Variants in FNBP1 observed in about 807,000 individuals in gnomAD.
The protein encoded by FNBP1 is formin-binding protein 1.
Under a neutral mutation model 90.6 loss-of-function variants are expected in FNBP1, and 26 were observed. That is an observed-to-expected ratio of 0.29 (90% CI 0.21 to 0.40). FNBP1 has a LOEUF of 0.40. Among genes scored for constraint, FNBP1 ranks in the 10% least tolerant of loss-of-function variants. The pLI is 1.00. For missense variants in FNBP1, 635 were observed against 768.0 expected (o/e 0.83, Z 2.05); for synonymous variants, 260 against 265.2 (o/e 0.98, Z 0.19).
intron 6 of FNBP1, among the ~76,000 whole-genome samples, chr9:129,934,720 C>T (rs1007188375): frequency 2.1e-4 from 32 of 151,950 alleles, no homozygotes; most frequent in Non-Finnish European, 4.0e-4. Flanking sequence ...TACAGGCACC[C>T]GCCACCACGC....
Position 129,889,245 on chromosome 9 carries a change from C to T in FNBP1, c.*1294G>A, listed in dbSNP as rs1588306507. The T allele has an allele frequency of 5.1e-6, 1 of 195,842 alleles. No homozygotes were observed. The highest frequency in any genetic ancestry group is 7.9e-5 in the East Asian group (1 of 12,652). The allele number at this position is 195,842 out of a possible 1,614,324, so 12.1% of individuals were successfully genotyped here. A position where few individuals can be genotyped will look rare whatever the true frequency, so the allele number is the denominator to read the frequency against. On this transcript the variant is annotated 3_prime_UTR_variant, in exon 17 of 17. Coordinates refer to ENST00000446176, the MANE Select transcript of FNBP1 (RefSeq NM_015033.3). ...GGTGGCGGCGGGATCCCTCAAAGGACCACGAGAGGCACGGGGTCTTTGGTG... is the reference window on the plus strand; with the variant it reads ...GGTGGCGGCGGGATCCCTCAAAGGATCACGAGAGGCACGGGGTCTTTGGTG...
At chr9:129,904,056 A>C (rs1014080441) in intron 12 of FNBP1, among the ~76,000 whole-genome samples, 2 of 152,136 alleles carry the variant, frequency 1.3e-5, no homozygotes, top group Non-Finnish European at 2.9e-5. Flanking sequence ...AAAACAAACA[A>C]ACAAAAACCC....
upstream of FNBP1, among the ~76,000 whole-genome samples, chr9:130,046,443 T>C (rs2060060031): frequency 6.6e-6 from 1 of 151,890 alleles, no homozygotes; most frequent in Non-Finnish European, 1.5e-5. Context: ...TAAAAGTCCC[T>C]AGAGAGTTGG....
intron 9 of FNBP1, 83 bp downstream of exon 9, chr9:129,924,877 A>T: frequency 8.5e-7 from 1 of 1,175,558 alleles, no homozygotes; most frequent in Non-Finnish European, 1.2e-6. Context: ...CTACAGGTTT[A>T]GGATCTTAGT....
intron 15 of FNBP1, among the ~76,000 whole-genome samples, chr9:129,899,662 A>C (rs535110464): frequency 1.1e-4 from 16 of 151,880 alleles, no homozygotes; most frequent in Admixed American, 5.9e-4. Flanking sequence ...CCAGGAGGTC[A>C]AGGCTGCAGT....
the FNBP1 span, among the ~76,000 whole-genome samples, chr9:130,048,510 C>G: frequency 6.9e-5 from 1 of 14,504 alleles, no homozygotes; most frequent in Non-Finnish European, 1.4e-4. Flanking sequence ...TTTTTTGAGA[C>G]GGAGTCTCGC....
chr9:129,919,855 G>A (rs780075080), intron 10 of FNBP1, among the ~76,000 whole-genome samples: 1 of 152,172 alleles, frequency 6.6e-6, no homozygotes, highest in Admixed American at 6.5e-5. Flanking sequence ...TAAATGAGAA[G>A]GTAGGAAGGG....
intron 12 of FNBP1, among the ~76,000 whole-genome samples, chr9:129,903,422 A>G (rs1339095868): frequency 1.3e-5 from 2 of 152,196 alleles, no homozygotes; most frequent in Non-Finnish European, 2.9e-5. Context: ...TGGGAAGATT[A>G]GAGTATGGAT....
Position 129,998,031 on chromosome 9 carries a change from A to G in FNBP1, c.25-3073T>C, listed in dbSNP as rs1589159144. Among the ~76,000 whole-genome samples the G allele has an allele frequency of 2.6e-5, 4 of 151,016 alleles. No individual in the cohort carries two copies. The South Asian group carries it at 6.3e-4, about 24-fold the overall frequency. On this transcript the variant is annotated intron_variant, in intron 1 of 16. Transcript: ENST00000446176. ...GTCATCTTTACTAAACCTCATCTCT[A>G]CTAAAAATACAAAAATTTGCCAGGC...
At chr9:129,906,576 T>C (rs2038099755) in intron 12 of FNBP1, among the ~76,000 whole-genome samples, 1 of 152,214 alleles carries the variant, frequency 6.6e-6, no homozygotes, top group Non-Finnish European at 1.5e-5. Flanking sequence ...CTCCTTTGCC[T>C]TCCGCCATGA....
At chr9:130,048,876 GTTCAAGC>G in the FNBP1 span, among the ~76,000 whole-genome samples, 2 of 150,050 alleles carry the variant, frequency 1.3e-5, no homozygotes, top group Non-Finnish European at 3.0e-5. Context: ...CGCCTCCTGG[GTTCAAGC>G]CATTCTCCTG....
At chr9:129,916,399 C>A (rs184790212) in intron 10 of FNBP1, among the ~76,000 whole-genome samples, 86 of 152,194 alleles carry the variant, frequency 5.7e-4, no homozygotes, top group African/African-American at 2.0e-3. Flanking sequence ...AGGTGGATCA[C>A]CTGAGGTCGG....
intron 1 of FNBP1, among the ~76,000 whole-genome samples, chr9:130,004,114 C>A (rs1178304428): frequency 6.6e-6 from 1 of 150,910 alleles, no homozygotes; most frequent in African/African-American, 2.4e-5. Flanking sequence ...GTGTACTAAA[C>A]CGGCTGGGCG....
rs1373095909 is a variant in FNBP1, at chr9:129,888,235, A to G, written c.*2304T>C. ...GCAAGAAATGAATCTATCCTGACCC[A>G]TAATATGAAAGATGTGACGCACATG... On this transcript the variant is annotated 3_prime_UTR_variant, in exon 17 of 17. Coordinates refer to ENST00000446176, the MANE Select transcript of FNBP1 (RefSeq NM_015033.3). 1.3e-5 allele frequency: 3 copies of G among 232,678 alleles called. No individual in the cohort carries two copies. Among genetic ancestry groups the G allele is most frequent in the Non-Finnish European group, 2.5e-5 (3 of 117,752 alleles). The allele number at this position is 232,678 out of a possible 1,614,324, so 14.4% of individuals were successfully genotyped here.
At chr9:129,916,165 A>G in intron 10 of FNBP1, 185 bp from the exon 11 acceptor site, 1 of 588,472 alleles carries the variant, frequency 1.7e-6, no homozygotes, top group East Asian at 2.8e-5. Flanking sequence ...AGTTCACAAG[A>G]AGGGCTGCTC....
At chr9:129,912,051 G>T (rs2039395566) in intron 11 of FNBP1, among the ~76,000 whole-genome samples, 2 of 152,074 alleles carry the variant, frequency 1.3e-5, no homozygotes, top group Admixed American at 1.3e-4. Context: ...CCAACTTGAA[G>T]CTAGTCCATC....
chr9:130,053,788 T>C, the FNBP1 span: 1 of 749,402 alleles, frequency 1.3e-6, no homozygotes, highest in South Asian at 1.8e-5. Flanking sequence ...CCTCGACGAC[T>C]TCCTAGGTCG....
chr9:129,905,294 G>GTGTGTGTGTGTGTGTA (rs374989661), intron 12 of FNBP1, among the ~76,000 whole-genome samples: 1 of 132,336 alleles, frequency 7.6e-6, no homozygotes, highest in East Asian at 2.3e-4. Context: ...GTGTGTGTGT[G>GTGTGTGTGTGTGTGTA]TATATATATA....
intron 1 of FNBP1, among the ~76,000 whole-genome samples, chr9:130,008,143 G>C (rs768218305): frequency 6.7e-6 from 1 of 149,648 alleles, no homozygotes; most frequent in South Asian, 2.1e-4. Flanking sequence ...CCAGGAGTTC[G>C]AGACCAGCCT....
Sources: allele counts gnomAD v4.1 joint callset (sites outside exome capture counted in the v4.1 genomes callset), GRCh38; gene constraint gnomAD v4.1.1; transcripts MANE v1.5; gene names NCBI Gene and HGNC (gene_info 2026-07-23, HGNC 2026-07-21).